Variants in GOLGB1 observed in about 807,000 individuals in gnomAD.
The protein encoded by GOLGB1 is golgin B1, also known as golgin subfamily B member 1.
A neutral mutation model predicts 336.9 loss-of-function variants in GOLGB1; 174 were observed. The observed-to-expected ratio is 0.52, with a 90% CI of 0.46 to 0.59. The LOEUF (loss-of-function observed/expected upper bound fraction) is 0.59, where lower values mean the gene tolerates loss of function less well. GOLGB1 is among the 20% of genes least tolerant of loss of function. The pLI is 0.00. For missense variants in GOLGB1, 3,331 were observed against 3,645.3 expected, an observed-to-expected ratio of 0.91 and a Z score of 2.22; for synonymous variants, 1,208 against 1,289.2, an observed-to-expected ratio of 0.94 and a Z score of 1.35.
Position 121,691,565 on chromosome 3 carries a change from T to C in GOLGB1, c.7799A>G (p.Glu2600Gly). 3 of 1,613,424 alleles carry C rather than the reference T, an allele frequency of 1.9e-6. No individual in the cohort carries two copies. Among genetic ancestry groups the C allele is most frequent in the Non-Finnish European group, 2.5e-6 (3 of 1,179,834 alleles). The change falls in exon 14 of 22, where the codon GAA becomes GGA. Residue 2600 changes from glutamate (E) to glycine (G), a missense_variant. Glu to Gly is a moderately conservative substitution (Grantham distance 98). Coordinates refer to ENST00000614479, the MANE Select transcript of GOLGB1 (RefSeq NM_001366282.2). ...DLRRSFNALQ[E>G]EKQDLSKEIE... is the part of the protein sequence containing the mutation. ...CTCTTTAGATAAATCTTGTTTCTCT[T>C]CTTGTAGGGCATTAAAGGACCTCCG... is the stretch of plus-strand genomic sequence containing the variant.
At chr3:121,749,378 G>A (rs534276870) in intron 1 of GOLGB1, among the ~76,000 whole-genome samples, 2 of 152,316 alleles carry the variant, frequency 1.3e-5, no homozygotes, top group East Asian at 1.9e-4. Flanking sequence ...GGGACAGACC[G>A]TGAGCAAGTG....
intron 14 of GOLGB1, 56 bp downstream of exon 14, chr3:121,690,614 T>C (rs1319622272): frequency 1.1e-6 from 1 of 892,422 alleles, no homozygotes; most frequent in Non-Finnish European, 1.6e-6. Flanking sequence ...AAAATAAATT[T>C]AAAGAAAGGT....
chr3:121,699,353 C>T (rs1943206798), intron 12 of GOLGB1, among the ~76,000 whole-genome samples: 3 of 152,090 alleles, frequency 2.0e-5, no homozygotes, highest in South Asian at 4.1e-4. Flanking sequence ...CTAAACAAAA[C>T]GCAGCTAACA....
Position 121,696,761 on chromosome 3 carries a change from T to C in GOLGB1, c.3762A>G (p.Pro1254=), listed in dbSNP as rs747805325. ...AACACGATTCCTGCTGGTCTGTGCT[T>C]GGGAGTTTTCCGTCTATGGATTCCC... ...QVRESIDGKL[P]STDQQESCSS... is the part of the protein sequence containing the mutation. Residue 1254 remains proline (P), a synonymous_variant, in exon 13 of 22, where the codon CCA becomes CCG. Transcript: ENST00000614479. 6.2e-7 allele frequency: 1 copy of C among 1,614,076 alleles called. No homozygotes were observed. The highest frequency in any genetic ancestry group is 1.1e-5 in the South Asian group (1 of 91,082).
chr3:121,713,266 T>C (rs943870304), intron 10 of GOLGB1, among the ~76,000 whole-genome samples: 1 of 152,196 alleles, frequency 6.6e-6, no homozygotes, highest in Non-Finnish European at 1.5e-5. Flanking sequence ...CCTCAACTAG[T>C]ATTTACTGAA....
At position 121,729,189 on chromosome 3, in the gene GOLGB1, T is replaced by C. The variant is rs763001491; in HGVS notation, c.401A>G (p.Lys134Arg). Reference protein sequence around the residue: ...TEPQSEEQLSKHDKSSTEEEM... With the variant: ...TEPQSEEQLSRHDKSSTEEEM... ...ATACACTACACCCAGTCACCATACC[T>C]TGGAAAGTTGCTCCTCTGACTGAGG... Residue 134 changes from lysine to arginine, a missense_variant and splice_region_variant, in exon 4 of 22, where the codon AAG (lysine) becomes AGG (arginine). Coordinates refer to ENST00000614479, the MANE Select transcript of GOLGB1 (RefSeq NM_001366282.2). 7.5e-6 allele frequency: 12 copies of C among 1,603,264 alleles called. No individual in the cohort carries two copies. In the East Asian group the frequency reaches 2.2e-4, roughly 30 times the overall value.
At chr3:121,747,149 GTT>G (rs1491491421) in intron 1 of GOLGB1, among the ~76,000 whole-genome samples, 2 of 49,662 alleles carry the variant, frequency 4.0e-5, no homozygotes, top group East Asian at 1.3e-3. Context: ...ATACATGGAT[GTT>G]ATATATATAT....
chr3:121,695,125 C>T lies in GOLGB1; in HGVS notation c.5398G>A (p.Gly1800Ser). Residue 1800 changes from glycine (G) to serine (S), a missense_variant, in exon 13 of 22, where the codon GGT becomes AGT. Transcript: ENST00000614479. ...AGAGAGTCTTGCTCTTCAGTCTCAC[C>T]TGGTATAGACTGTGTTCCCTCTTCA... Reference protein sequence around the residue: ...VTEEGTQSIPGETEEQDSLSM... With the variant: ...VTEEGTQSIPSETEEQDSLSM... The T allele has an allele frequency of 6.2e-7, 1 of 1,613,674 alleles. No individual in the cohort carries two copies. The highest frequency in any genetic ancestry group is 8.5e-7 in the Non-Finnish European group (1 of 1,179,920).
intron 14 of GOLGB1, among the ~76,000 whole-genome samples, chr3:121,684,850 T>C (rs1941551205): frequency 6.6e-6 from 1 of 151,910 alleles, no homozygotes; most frequent in African/African-American, 2.4e-5. Context: ...AAATAGGAGA[T>C]CTAATATAGG....
chr3:121,726,743 G>A (rs1413624766), intron 5 of GOLGB1, among the ~76,000 whole-genome samples, 170 bp downstream of exon 5: 1 of 152,026 alleles, frequency 6.6e-6, no homozygotes, highest in Non-Finnish European at 1.5e-5. Context: ...AAACACCAAT[G>A]CATATTCTAA....
chr3:121,673,233 T>A (rs1045439940), intron 17 of GOLGB1, among the ~76,000 whole-genome samples: 1 of 152,134 alleles, frequency 6.6e-6, no homozygotes, highest in African/African-American at 2.4e-5. Flanking sequence ...CACGCCCAGC[T>A]AATTTTTGTA....
In GOLGB1 at chr3:121,696,840, C is replaced by T. The variant is rs766355709; in HGVS notation, c.3683G>A (p.Ser1228Asn). ...NRLQEQFDEQ[S>N]KENENIGDQL... The stretch of plus-strand genomic sequence containing the variant: ...GTCTCCAATATTCTCATTTTCCTTG[C>T]TTTGCTCATCAAACTGTTCTTGCAA... Residue 1228 changes from serine to asparagine, a missense_variant, in exon 13 of 22, where the codon AGC becomes AAC. Physicochemically the swap from Ser to Asn is conservative, Grantham distance 46. Coordinates refer to ENST00000614479, the MANE Select transcript of GOLGB1 (RefSeq NM_001366282.2). The T allele has an allele frequency of 6.2e-7, 1 of 1,614,122 alleles. No homozygotes were observed. The highest frequency in any genetic ancestry group is 1.1e-5 in the South Asian group (1 of 91,076).
At chr3:121,668,404 G>A (rs1363198820) in intron 18 of GOLGB1, 3 of 276,886 alleles carry the variant, frequency 1.1e-5, no homozygotes, top group East Asian at 9.3e-5. Flanking sequence ...GCCGGGCGCC[G>A]TGGCTCAAGC....
chr3:121,688,502 G>C (rs1376417437), intron 14 of GOLGB1, among the ~76,000 whole-genome samples: 1 of 152,254 alleles, frequency 6.6e-6, no homozygotes, highest in African/African-American at 2.4e-5. Context: ...ATGGTGCCCA[G>C]GCTGGAGTGC....
At position 121,716,979 on chromosome 3, in the gene GOLGB1, T is replaced by C. The variant is rs1308179471; in HGVS notation, c.1046A>G (p.His349Arg). The C allele has an allele frequency of 6.2e-7, 1 of 1,613,988 alleles. No homozygotes were observed. The highest frequency in any genetic ancestry group is 1.7e-5 in the Admixed American group (1 of 60,002). ...TGCTTGCTCAAACTGTTCTAAAAGA[T>C]GATGCATTTCTTCCTGCAGATTATG... is the stretch of plus-strand genomic sequence containing the variant. Reference protein sequence around the residue: ...SFHNLQEEMHHLLEQFEQAGQ... With the variant: ...SFHNLQEEMHRLLEQFEQAGQ... Residue 349 changes from histidine to arginine, a missense_variant, in exon 9 of 22, where the codon CAT becomes CGT. Coordinates refer to ENST00000614479, the MANE Select transcript of GOLGB1 (RefSeq NM_001366282.2).
At chr3:121,740,170 G>GGTGATATAACACTGCAAAACTTA (rs1299670722) in intron 1 of GOLGB1, among the ~76,000 whole-genome samples, 2 of 152,084 alleles carry the variant, frequency 1.3e-5, no homozygotes, top group African/African-American at 4.8e-5. Context: ...AACCTACACA[G>GGTGATATAACACTGCAAAACTTA]GTGATATAAC....
At chr3:121,667,359 G>C in intron 20 of GOLGB1, 117 bp downstream of exon 20, 1 of 1,059,842 alleles carries the variant, frequency 9.4e-7, no homozygotes, top group Non-Finnish European at 1.4e-6. Context: ...ACTCATTGCA[G>C]CAACTACCTC....
chr3:121,749,211 T>C (rs1448658613), intron 1 of GOLGB1: 1 of 152,304 alleles, frequency 6.6e-6, no homozygotes, highest in Admixed American at 6.5e-5. Context: ...CAAGTTTGTT[T>C]AGGGCCTGAG....
intron 10 of GOLGB1, among the ~76,000 whole-genome samples, chr3:121,707,231 AAAAAAAAAAAAC>A (rs1309882888): frequency 4.7e-5 from 7 of 150,390 alleles, no homozygotes; most frequent in Admixed American, 4.6e-4. Context: ...ATCTCAAAAA[AAAAAAAAAAAAC>A]AAAAATAAAA....
Sources: gnomAD v4.1 joint callset for allele counts (sites outside exome capture counted in the v4.1 genomes callset) on GRCh38, gnomAD v4.1.1 for gene constraint, MANE v1.5 for transcripts, NCBI Gene and HGNC (gene_info 2026-07-23, HGNC 2026-07-21) for gene names.